The following VPS13D variants were observed in gnomAD, a reference collection of about 807,000 sequenced individuals.
VPS13D encodes intermembrane lipid transfer protein VPS13D.
A neutral mutation model predicts 461.9 loss-of-function variants in VPS13D; 187 were observed. The ratio of observed to expected loss-of-function variants is 0.40; its 90% CI spans 0.36 to 0.46. The LOEUF is 0.46. Ranked by LOEUF, VPS13D falls within the 20% of genes least tolerant of loss-of-function variation. The probability of loss-of-function intolerance (pLI) is 0.60; values close to 1 mark genes in which losing one functional copy is unlikely to be tolerated. For missense variants in VPS13D, 4,711 were observed against 5,364.9 expected (o/e 0.88, Z 3.81); for synonymous variants, 1,951 against 1,986.3 (o/e 0.98, Z 0.47).
Position 12,507,107 on chromosome 1 carries a change from T to C in VPS13D, c.13035+14T>C. 1 of 1,613,824 alleles carries C rather than the reference T, an allele frequency of 6.2e-7. No individual in the cohort carries two copies. The highest frequency in any genetic ancestry group is 8.5e-7 in the Non-Finnish European group (1 of 1,179,832). ...CAGAAGCCCATGGTGAGTGCCTGGC[T>C]GTTCTCAGGCTCCTGAGGGGCGGGG... On this transcript the variant is annotated intron_variant, in intron 69 of 69. Transcript: ENST00000620676. The surrounding 1 kb of genome is among the most constrained non-coding windows in gnomAD (Gnocchi z 5.3).
intron 60 of VPS13D, among the ~76,000 whole-genome samples, chr1:12,396,155 G>A (rs897565707): frequency 3.3e-5 from 5 of 151,574 alleles, no homozygotes; most frequent in African/African-American, 4.9e-5. Context: ...ACAAGTCTGG[G>A]GATGGGACTC....
rs535723183 is a variant in VPS13D at position 12,320,182 on chromosome 1, C to G, written c.7548+552C>G. 1.1e-4 allele frequency among the ~76,000 whole-genome samples: 16 copies of G among 152,362 alleles called. No homozygotes were observed. In the East Asian group the frequency reaches 3.1e-3, roughly 29 times the overall value. ...ATGGATAATAGTGGTGCTTTAGGCTCTCATGTCATCTCATGAAGAAGATAA... is the reference window on the plus strand; with the variant it reads ...ATGGATAATAGTGGTGCTTTAGGCTGTCATGTCATCTCATGAAGAAGATAA... On this transcript the variant is annotated intron_variant, in intron 32 of 69. Coordinates refer to ENST00000620676, the MANE Select transcript of VPS13D (RefSeq NM_015378.4).
rs1644232597 is a variant in VPS13D, at chr1:12,378,550, C to A, written c.11040C>A (p.Ala3680=). The part of the protein sequence containing the change: ...PSAARSTEGS[A]ILDIAGLAAV... The stretch of plus-strand genomic sequence containing the variant: ...CCGCCCGCTCCACCGAGGGGTCTGC[C>A]ATCTTAGATATTGCTGGTCTCGCTG... The change falls in exon 56 of 70, where the codon GCC becomes GCA. Residue 3680 remains alanine (A), a synonymous_variant. Transcript: ENST00000620676. 1 of 1,607,686 alleles carries A rather than the reference C, an allele frequency of 6.2e-7. No individual in the cohort carries two copies. The highest frequency in any genetic ancestry group is 8.5e-7 in the Non-Finnish European group (1 of 1,177,190).
At chr1:12,488,708 G>T (rs1645837167) in intron 67 of VPS13D, among the ~76,000 whole-genome samples, 1 of 150,654 alleles carries the variant, frequency 6.6e-6, no homozygotes, top group Non-Finnish European at 1.5e-5. Flanking sequence ...GAAAATGTAT[G>T]GTTTATTAAT....
intron 68 of VPS13D, among the ~76,000 whole-genome samples, chr1:12,501,291 C>T (rs913456636): frequency 4.6e-5 from 7 of 151,988 alleles, no homozygotes; most frequent in Non-Finnish European, 7.4e-5. Flanking sequence ...CATATGTAGT[C>T]TCAAGGACTA....
intron 65 of VPS13D, among the ~76,000 whole-genome samples, chr1:12,448,983 A>C (rs532800798): frequency 6.6e-6 from 1 of 152,208 alleles, no homozygotes; most frequent in East Asian, 1.9e-4. Context: ...ATGTGTTTCA[A>C]CCTTGGGTGC....
chr1:12,499,843 C>T (rs1295587821), intron 68 of VPS13D: 4 of 985,298 alleles, frequency 4.1e-6, no homozygotes, highest in Non-Finnish European at 4.8e-6. Flanking sequence ...GTGAACATTA[C>T]ACTCATCACT....
intron 65 of VPS13D, among the ~76,000 whole-genome samples, chr1:12,452,050 G>A (rs1645269833): frequency 2.6e-5 from 4 of 152,142 alleles, no homozygotes; most frequent in African/African-American, 7.2e-5. Flanking sequence ...TCAAACTCAG[G>A]TGTGATTATC....
At chr1:12,316,354 T>C (rs1470876906) in intron 30 of VPS13D, among the ~76,000 whole-genome samples, 3 of 152,208 alleles carry the variant, frequency 2.0e-5, no homozygotes, top group Non-Finnish European at 4.4e-5. Flanking sequence ...ACGCCTTTCG[T>C]GTCTGAAGAA....
At chr1:12,428,169 C>T (rs991645064) in intron 65 of VPS13D, among the ~76,000 whole-genome samples, 1 of 152,100 alleles carries the variant, frequency 6.6e-6, no homozygotes, top group African/African-American at 2.4e-5. Context: ...CTTCTAGAAG[C>T]GGGTGAGAGT....
Position 12,375,263 on chromosome 1 carries a change from C to T in VPS13D, c.10917+1405C>T, listed in dbSNP as rs1165083571. On this transcript the variant is annotated intron_variant, in intron 55 of 69. Coordinates refer to ENST00000620676, the MANE Select transcript of VPS13D (RefSeq NM_015378.4). ...GAATGGAATTTAGAAACCTGAGATTCATGAATTAGGTGCAGTTGTTGCTAT... is the reference window on the plus strand; with the variant it reads ...GAATGGAATTTAGAAACCTGAGATTTATGAATTAGGTGCAGTTGTTGCTAT... Among the ~76,000 whole-genome samples the T allele has an allele frequency of 2.0e-5, 3 of 152,340 alleles. No individual in the cohort carries two copies. The South Asian group carries it at 6.2e-4, about 32-fold the overall frequency.
Position 12,275,961 on chromosome 1 carries a change from A to C in VPS13D, c.2373A>C (p.Thr791=). Reference sequence around the variant, plus strand: ...CAAGCAGCAGCAACGGAGAGAAAACACCTCCCTTTTCTGGAGTTGAGTTCA... The same window carrying C: ...CAAGCAGCAGCAACGGAGAGAAAACCCCTCCCTTTTCTGGAGTTGAGTTCA... ...PESSSSNGEK[T]PPFSGVEFSE... The change falls in exon 19 of 70, where the codon ACA becomes ACC. Residue 791 remains threonine, a synonymous_variant. Coordinates refer to ENST00000620676, the MANE Select transcript of VPS13D (RefSeq NM_015378.4). 6.2e-7 allele frequency: 1 copy of C among 1,613,598 alleles called. No homozygotes were observed. The highest frequency in any genetic ancestry group is 8.5e-7 in the Non-Finnish European group (1 of 1,179,926).
At chr1:12,367,228 G>A (rs1490006138) in intron 52 of VPS13D, among the ~76,000 whole-genome samples, 3 of 152,112 alleles carry the variant, frequency 2.0e-5, no homozygotes, top group Non-Finnish European at 4.4e-5. Context: ...CTGCATTTGG[G>A]CAGTGATTTC....
intron 64 of VPS13D, 69 bp from the exon 65 acceptor site, chr1:12,416,591 T>C: frequency 6.7e-7 from 1 of 1,503,028 alleles, no homozygotes; most frequent in Non-Finnish European, 9.0e-7. Context: ...GCTCTTCGCT[T>C]GGGACACTGG....
rs752002665 is a variant in VPS13D at position 12,278,000 on chromosome 1, C to T, written c.4412C>T (p.Thr1471Ile). Reference sequence around the variant, plus strand: ...AACAGTCAGGAGGAAGCTCATTTCACACGACATGATTTCTTTGAATCTTTG... The same window carrying T: ...AACAGTCAGGAGGAAGCTCATTTCATACGACATGATTTCTTTGAATCTTTG... Reference protein sequence around the residue: ...SANSQEEAHFTRHDFFESLHR... With the variant: ...SANSQEEAHFIRHDFFESLHR... Residue 1471 changes from threonine (T) to isoleucine (I), a missense_variant, in exon 19 of 70, where the codon ACA becomes ATA. Around this residue, in one of 3 missense-constraint regions of VPS13D, gnomAD observed 4,411 missense variants for 4,937.8 expected, o/e 0.89. Transcript: ENST00000620676. 1.2e-6 allele frequency: 2 copies of T among 1,614,054 alleles called. No homozygotes were observed. The highest frequency in any genetic ancestry group is 1.7e-6 in the Non-Finnish European group (2 of 1,179,962).
At chr1:12,310,664 C>A (rs1642710390) in intron 27 of VPS13D, among the ~76,000 whole-genome samples, 1 of 152,182 alleles carries the variant, frequency 6.6e-6, no homozygotes, top group Non-Finnish European at 1.5e-5. Flanking sequence ...TTATTGCTTT[C>A]CCAAGTGTAA....
chr1:12,396,650 A>G (rs1644503073), intron 60 of VPS13D, among the ~76,000 whole-genome samples: 1 of 152,174 alleles, frequency 6.6e-6, no homozygotes, highest in Non-Finnish European at 1.5e-5. Flanking sequence ...GTCTCCCATG[A>G]CTGGGGCTCC....
chr1:12,361,764 C>T (rs1208559394), intron 50 of VPS13D, among the ~76,000 whole-genome samples: 1 of 152,214 alleles, frequency 6.6e-6, no homozygotes, highest in East Asian at 1.9e-4. Context: ...ATATTTGGAA[C>T]CGGCTGTCTT....
At chr1:12,245,937 A>G (rs188837478) in intron 5 of VPS13D, among the ~76,000 whole-genome samples, 1 of 152,302 alleles carries the variant, frequency 6.6e-6, no homozygotes, top group Admixed American at 6.5e-5. Flanking sequence ...TCAGCACTTT[A>G]TTCCTTTTTA....
Sources: allele counts gnomAD v4.1 joint callset (sites outside exome capture counted in the v4.1 genomes callset), GRCh38; gene constraint gnomAD v4.1.1; regional missense constraint gnomAD v4.1.1; non-coding constraint Gnocchi (gnomAD v3.1); transcripts MANE v1.5; gene names NCBI Gene and HGNC (gene_info 2026-07-23, HGNC 2026-07-21).